Variants in SPATA13 observed in about 807,000 individuals in gnomAD.
The protein encoded by SPATA13 is spermatogenesis associated 13.
Under a neutral mutation model 104.0 loss-of-function variants are expected in SPATA13, and 50 were observed. The ratio of observed to expected loss-of-function variants is 0.48; its 90% CI spans 0.38 to 0.61. The LOEUF (loss-of-function observed/expected upper bound fraction) is 0.61, where lower values mean the gene tolerates loss of function less well. SPATA13 is among the 20% of genes least tolerant of loss of function. The pLI is 0.00. For synonymous variants in SPATA13, 606 were observed against 667.5 expected (o/e 0.91, Z 1.42); for missense variants, 1,524 against 1,690.6 (o/e 0.90, Z 1.73).
intron 1 of SPATA13, among the ~76,000 whole-genome samples, chr13:24,194,649 T>C (rs887337072): frequency 1.3e-5 from 2 of 152,222 alleles, no homozygotes; most frequent in African/African-American, 4.8e-5. Flanking sequence ...CACCGACTGG[T>C]CTGCCGCTTT....
At chr13:24,275,312 A>G (rs1263028148) in intron 4 of SPATA13, among the ~76,000 whole-genome samples, 2 of 152,220 alleles carry the variant, frequency 1.3e-5, no homozygotes, top group East Asian at 3.8e-4. Context: ...GGGCCCCCAG[A>G]GGGCAGTGTT....
intron 3 of SPATA13, among the ~76,000 whole-genome samples, chr13:24,047,369 A>G (rs1035180589): frequency 1.3e-5 from 2 of 152,236 alleles, no homozygotes; most frequent in African/African-American, 4.8e-5. Flanking sequence ...ACATGTTAGT[A>G]GAATTCAGAC....
chr13:24,258,226 ACT>A lies in SPATA13; in HGVS notation c.2164+6367_2164+6368del, dbSNP rs1420404557. On this transcript the variant is annotated intron_variant, in intron 4 of 12. Coordinates refer to ENST00000382108, the MANE Select transcript of SPATA13 (RefSeq NM_001166271.3). Reference sequence around the variant, plus strand: ...CTCCAGCCTGGGCAACAAGAGTGAAACTCTATCTCAAAAAAAAAAAAATAAAA... The same window carrying A: ...CTCCAGCCTGGGCAACAAGAGTGAAACTATCTCAAAAAAAAAAAAATAAAA... Among the ~76,000 whole-genome samples, 6 of 135,328 alleles carry A rather than the reference ACT, an allele frequency of 4.4e-5. No individual in the cohort carries two copies. The East Asian group carries it at 8.2e-4, about 19-fold the overall frequency. The allele number at this position is 135,328 out of a possible 152,430, so 88.8% of individuals were successfully genotyped here.
intron 2 of SPATA13, among the ~76,000 whole-genome samples, chr13:24,227,517 C>T (rs1001253567): frequency 1.3e-5 from 2 of 152,088 alleles, no homozygotes; most frequent in African/African-American, 4.8e-5. Context: ...GTTGATAATT[C>T]TACGAATTTG....
chr13:24,291,774 G>C (rs1176630769), intron 9 of SPATA13, among the ~76,000 whole-genome samples: 1 of 118,424 alleles, frequency 8.4e-6, no homozygotes, highest in Non-Finnish European at 1.9e-5. Flanking sequence ...TTTTGAGACG[G>C]AGTCTCGTTC....
intron 4 of SPATA13, among the ~76,000 whole-genome samples, chr13:24,279,008 T>G: frequency 7.2e-6 from 1 of 139,392 alleles, no homozygotes. Flanking sequence ...CTTCCTTCCT[T>G]CCCTGCCTCC....
At chr13:24,213,494 C>T (rs751548224) in intron 1 of SPATA13, among the ~76,000 whole-genome samples, 6 of 151,610 alleles carry the variant, frequency 4.0e-5, no homozygotes, top group Non-Finnish European at 7.4e-5. Flanking sequence ...CTCAAACTCC[C>T]GACCTCATGA....
chr13:23,987,948 T>C (rs910940682), intron 2 of SPATA13, among the ~76,000 whole-genome samples: 4 of 147,224 alleles, frequency 2.7e-5, no homozygotes, highest in African/African-American at 9.9e-5. Flanking sequence ...TTGTTTCTCT[T>C]TTTTTTTTTT....
At chr13:24,199,665 C>T (rs9511141) in intron 1 of SPATA13, among the ~76,000 whole-genome samples, 38,715 of 152,086 alleles carry the variant, frequency 0.25, 5,804 homozygotes, top group Non-Finnish European at 0.34. Context: ...GAAAAACTTG[C>T]GTCTTGTGAT....
rs563811962 is a variant in SPATA13 at position 23,985,403 on chromosome 13, G to A, written c.-147+1470G>A. On this transcript the variant is annotated intron_variant, in intron 2 of 14. Coordinates refer to the SPATA13 transcript ENST00000424834. ...CTGATGTGGGGGCTCAGTGGCCAGA[G>A]GCCCAGATCCTCCCCTGCTGTGGCT... Among the ~76,000 whole-genome samples, 214 of 152,382 alleles carry A rather than the reference G, an allele frequency of 1.4e-3. 1 individual carries two copies. Among genetic ancestry groups the A allele is most frequent in the African/African-American group, 5.0e-3 (209 of 41,600 alleles).
rs1467956918 is a variant in SPATA13 at position 24,077,957 on chromosome 13, C to G, written c.-112+60256C>G. Among the ~76,000 whole-genome samples, 6 of 152,238 alleles carry G rather than the reference C, an allele frequency of 3.9e-5. No homozygotes were observed. In the East Asian group the frequency reaches 1.2e-3, roughly 29 times the overall value. ...TGTCCCACCCCAGGCTTGATCTCAG[C>G]CTTGATCTGAGGACCTTCAAGGCTT... On this transcript the variant is annotated intron_variant, in intron 3 of 14. Coordinates refer to the SPATA13 transcript ENST00000424834.
intron 1 of SPATA13, among the ~76,000 whole-genome samples, chr13:24,166,162 T>G (rs1166029864): frequency 6.6e-6 from 1 of 152,258 alleles, no homozygotes; most frequent in Non-Finnish European, 1.5e-5. Flanking sequence ...TAAATGTATA[T>G]GTAATACTTA....
chr13:24,298,925 G>A (rs1394388850), intron 11 of SPATA13, among the ~76,000 whole-genome samples: 3 of 152,140 alleles, frequency 2.0e-5, no homozygotes, highest in Admixed American at 2.0e-4. Flanking sequence ...CCAAGATACA[G>A]AGCTCCCCAC....
Position 24,286,491 on chromosome 13 carries a change from A to G in SPATA13, c.2481+98A>G. 7.9e-7 allele frequency: 1 copy of G among 1,271,032 alleles called. No individual in the cohort carries two copies. The highest frequency in any genetic ancestry group is 1.1e-6 in the Non-Finnish European group (1 of 929,480). The allele number at this position is 1,271,032 out of a possible 1,614,324, so 78.7% of individuals were successfully genotyped here. ...CCTTTTATCAGGTCAGCTCTTTTGT[A>G]ATTGATATCTGACATGCAAGTCACA... On this transcript the variant is annotated intron_variant, in intron 6 of 12. Transcript: ENST00000382108. This position sits in a 1 kb window ranked among gnomAD's most constrained non-coding sequence, Gnocchi z 4.9.
rs759544607 is a variant in SPATA13 at position 24,294,822 on chromosome 13, G to C, written c.3164G>C (p.Ser1055Thr). ...LINERKRKLE[S>T]IDKIARWQVS... ...AACGAGCGCAAGCGCAAGCTGGAGAGCATCGACAAGATAGCTCGCTGGCAG... is the reference window on the plus strand; with the variant it reads ...AACGAGCGCAAGCGCAAGCTGGAGACCATCGACAAGATAGCTCGCTGGCAG... Residue 1055 changes from serine to threonine, a missense_variant, in exon 10 of 13, where the codon AGC (serine) becomes ACC (threonine). Coordinates refer to ENST00000382108, the MANE Select transcript of SPATA13 (RefSeq NM_001166271.3). 6.2e-7 allele frequency: 1 copy of C among 1,611,618 alleles called. No individual in the cohort carries two copies. Among genetic ancestry groups the C allele is most frequent in the Non-Finnish European group, 8.5e-7 (1 of 1,177,814 alleles).
At chr13:24,014,940 GAGTGC>G (rs1161001854) in intron 2 of SPATA13, among the ~76,000 whole-genome samples, 1 of 139,868 alleles carries the variant, frequency 7.1e-6, no homozygotes. Context: ...GCCCAGGCTG[GAGTGC>G]AGTGGCGCTA....
At chr13:24,259,040 G>A (rs1431867120) in intron 4 of SPATA13, among the ~76,000 whole-genome samples, 2 of 152,220 alleles carry the variant, frequency 1.3e-5, no homozygotes, top group South Asian at 2.1e-4. Context: ...AGAATCTGCA[G>A]GCTGCCCGTG....
At chr13:24,147,732 A>ATGG (rs1881977929) in intron 3 of SPATA13, among the ~76,000 whole-genome samples, 1 of 151,794 alleles carries the variant, frequency 6.6e-6, no homozygotes, top group South Asian at 2.1e-4. Flanking sequence ...GAAACCCTGT[A>ATGG]CCCATTAAAC....
chr13:24,017,070 G>A (rs1876750959), intron 2 of SPATA13, among the ~76,000 whole-genome samples: 1 of 152,192 alleles, frequency 6.6e-6, no homozygotes, highest in Non-Finnish European at 1.5e-5. Flanking sequence ...GGGTCAGGGG[G>A]CAGACATCCT....
Sources: allele counts gnomAD v4.1 joint callset (sites outside exome capture counted in the v4.1 genomes callset), GRCh38; gene constraint gnomAD v4.1.1; non-coding constraint Gnocchi (gnomAD v3.1); transcripts MANE v1.5; gene names NCBI Gene and HGNC (gene_info 2026-07-23, HGNC 2026-07-21).